Variants in LRRC19 observed in about 807,000 individuals in gnomAD.
The protein encoded by LRRC19 is leucine rich repeat containing 19, also known as leucine-rich repeat-containing protein 19.
Under a neutral mutation model 33.3 loss-of-function variants are expected in LRRC19, and 33 were observed. That is an observed-to-expected ratio of 0.99 (90% CI 0.75 to 1.33). The LOEUF (loss-of-function observed/expected upper bound fraction) is 1.33. LRRC19 is among the 40% of genes most tolerant of loss of function. LRRC19 has a pLI of 0.00. For synonymous variants in LRRC19, 184 were observed against 152.3 expected (o/e 1.21, Z -1.53); for missense variants, 463 against 417.3 (o/e 1.11, Z -0.95).
intron 1 of LRRC19, among the ~76,000 whole-genome samples, chr9:27,004,712 G>T (rs1023928491): frequency 1.3e-5 from 2 of 151,962 alleles, no homozygotes; most frequent in East Asian, 1.9e-4. Context: ...GATTTTTTTT[G>T]AAATGATAGT....
chr9:26,995,499 A>T lies in LRRC19; in HGVS notation c.*22T>A. The T allele has an allele frequency of 3.5e-6, 5 of 1,439,598 alleles. No homozygotes were observed. Among genetic ancestry groups the T allele is most frequent in the Non-Finnish European group, 4.7e-6 (5 of 1,069,106 alleles). The allele number at this position is 1,439,598 out of a possible 1,614,324, so 89.2% of individuals were successfully genotyped here. On this transcript the variant is annotated 3_prime_UTR_variant, in exon 5 of 5. Coordinates refer to ENST00000380055, the MANE Select transcript of LRRC19 (RefSeq NM_022901.3). Reference sequence around the variant, plus strand: ...CTGAGTGAGCTGATAACTTTGCTTTAAAAAGCAAACTTTGAAAGAAATTAA... The same window carrying T: ...CTGAGTGAGCTGATAACTTTGCTTTTAAAAGCAAACTTTGAAAGAAATTAA...
chr9:27,005,557 A>T (rs1327790505), intron 1 of LRRC19, 35 bp downstream of exon 1: 1 of 152,014 alleles, frequency 6.6e-6, no homozygotes, highest in Non-Finnish European at 1.5e-5. Context: ...AAAAAAATAC[A>T]ACAATAACCA....
In LRRC19 at chr9:26,995,529, C is replaced by T; in HGVS notation, c.1105G>A (p.Glu369Lys). The change falls in exon 5 of 5, where the codon GAA (glutamate) becomes AAA (lysine). Residue 369 changes from glutamate (E) to lysine (K), a missense_variant. Transcript: ENST00000380055. ...KYIDIHELCE[E>K]N ...GCAAACTTTGAAAGAAATTAATTTT[C>T]TTCACATAATTCATGGATATCTATA... 1 of 1,535,886 alleles carries T rather than the reference C, an allele frequency of 6.5e-7. No individual in the cohort carries two copies. Among genetic ancestry groups the T allele is most frequent in the East Asian group, 2.3e-5 (1 of 43,806 alleles).
Position 26,998,036 on chromosome 9 carries a change from A to G in LRRC19, c.287T>C (p.Leu96Pro), listed in dbSNP as rs1310813600. 1 of 1,613,656 alleles carries G rather than the reference A, an allele frequency of 6.2e-7. No individual in the cohort carries two copies. The highest frequency in any genetic ancestry group is 8.5e-7 in the Non-Finnish European group (1 of 1,179,800). The change falls in exon 3 of 5, where the codon CTC (leucine) becomes CCC (proline). Residue 96 changes from leucine (L) to proline (P), a missense_variant. Transcript: ENST00000380055. The stretch of plus-strand genomic sequence containing the variant: ...GATATTTAAAATTTCTAGACTGGAG[A>G]GGTTACCAAAACCGTTATTATGTAA... ...TILHNNGFGN[L>P]SSLEILNICR...
intron 3 of LRRC19, 72 bp downstream of exon 3, chr9:26,997,656 A>T (rs746184346): frequency 8.8e-6 from 13 of 1,472,648 alleles, no homozygotes; most frequent in Non-Finnish European, 1.2e-5. Context: ...TTAAAACGTG[A>T]TATGAGAGAT....
chr9:26,993,802 C>G lies in LRRC19; in HGVS notation c.*1719G>C. ...ATTTGACCTTGCTCCATCCATACCTCTAGCCACTGTTCCATTCCACGTGTT... is the reference window on the plus strand; with the variant it reads ...ATTTGACCTTGCTCCATCCATACCTGTAGCCACTGTTCCATTCCACGTGTT... On this transcript the variant is annotated 3_prime_UTR_variant, in exon 5 of 5. Transcript: ENST00000380055. The G allele has an allele frequency of 6.6e-6, 1 of 152,194 alleles. No individual in the cohort carries two copies. Among genetic ancestry groups the G allele is most frequent in the East Asian group, 1.9e-4 (1 of 5,200 alleles). The allele number at this position is 152,194 out of a possible 1,614,324, so 9.4% of individuals were successfully genotyped here.
intron 4 of LRRC19, 118 bp downstream of exon 4, chr9:26,996,193 G>T: frequency 1.5e-6 from 1 of 675,584 alleles, no homozygotes; most frequent in Non-Finnish European, 2.2e-6. Context: ...TAAATCTTTA[G>T]TTGAGATGAG....
intron 1 of LRRC19, among the ~76,000 whole-genome samples, chr9:27,002,116 C>T (rs1207153543): frequency 1.3e-5 from 2 of 152,166 alleles, no homozygotes; most frequent in Non-Finnish European, 2.9e-5. Flanking sequence ...GGAGGAGCTA[C>T]ACACTTTTAA....
intron 1 of LRRC19, among the ~76,000 whole-genome samples, chr9:26,999,926 A>G (rs1466407721): frequency 6.6e-6 from 1 of 151,988 alleles, no homozygotes; most frequent in Non-Finnish European, 1.5e-5. Flanking sequence ...ATGCACTACC[A>G]TGCCTGGCTA....
At position 26,995,807 on chromosome 9, in the gene LRRC19, A is replaced by C. The variant is rs755982815; in HGVS notation, c.827T>G (p.Val276Gly). 133 of 1,609,618 alleles carry C rather than the reference A, an allele frequency of 8.3e-5. No individual in the cohort carries two copies. The highest frequency in any genetic ancestry group is 1.0e-4 in the Non-Finnish European group (122 of 1,177,824). ...LGKSWAFLVG[V>G]VVTVLTTSLL... is the part of the protein sequence containing the mutation. ...TGAAGTCGTCAGTACAGTGACAACA[A>C]CACCAACAAGAAAAGCCCAACTTTT... Residue 276 changes from valine (V) to glycine (G), a missense_variant, in exon 5 of 5, where the codon GTT becomes GGT. Val to Gly is a moderately radical substitution (Grantham distance 109). Transcript: ENST00000380055.
intron 1 of LRRC19, among the ~76,000 whole-genome samples, chr9:27,002,540 A>C (rs773145158): frequency 6.6e-5 from 10 of 152,214 alleles, no homozygotes; most frequent in Non-Finnish European, 1.3e-4. Flanking sequence ...CATTTATTGA[A>C]ACAACTATTA....
rs1165006573 is a variant in LRRC19 at position 26,994,317 on chromosome 9, T to G, written c.*1204A>C. On this transcript the variant is annotated 3_prime_UTR_variant, in exon 5 of 5. Coordinates refer to ENST00000380055, the MANE Select transcript of LRRC19 (RefSeq NM_022901.3). Reference sequence around the variant, plus strand: ...ACTTTGGGAGGCCGAGGCGGGTAGATCATGAGGTCAGGCGTTCGAGACCAG... The same window carrying G: ...ACTTTGGGAGGCCGAGGCGGGTAGAGCATGAGGTCAGGCGTTCGAGACCAG... 1 of 152,068 alleles carries G rather than the reference T, an allele frequency of 6.6e-6. No homozygotes were observed. The highest frequency in any genetic ancestry group is 1.5e-5 in the Non-Finnish European group (1 of 68,094). 9.4% of individuals were successfully genotyped at this position (152,068 alleles called of 1,614,324 possible). A position where few individuals can be genotyped will look rare whatever the true frequency, so the allele number is the denominator to read the frequency against.
At chr9:26,998,319 T>G in intron 2 of LRRC19, 78 bp from the exon 3 acceptor site, 4 of 869,200 alleles carry the variant, frequency 4.6e-6, no homozygotes, top group Non-Finnish European at 6.6e-6. Context: ...ATTTAAGCAC[T>G]TAGACATTAG....
rs759123394 is a variant in LRRC19, at chr9:26,998,124, T to G, written c.199A>C (p.Arg67=). 67 of 1,612,748 alleles carry G rather than the reference T, an allele frequency of 4.2e-5. No individual in the cohort carries two copies. The highest frequency in any genetic ancestry group is 4.2e-5 in the Non-Finnish European group (49 of 1,179,146). ...AGTAAAAAGTATGTCTGTAGAACTC[T>G]TGTGTCTGTACCATTAAGAGTAATT... is the stretch of plus-strand genomic sequence containing the variant. ...NQITLNGTDT[R]VLQTYFLLTE... is the part of the protein sequence containing the mutation. The change falls in exon 3 of 5, where the codon AGA becomes CGA. Residue 67 remains arginine (R), a synonymous_variant. Transcript: ENST00000380055.
intron 3 of LRRC19, among the ~76,000 whole-genome samples, chr9:26,996,760 C>T (rs1828180451): frequency 6.6e-6 from 1 of 151,502 alleles, no homozygotes; most frequent in East Asian, 1.9e-4. Flanking sequence ...ATTGTGGTTA[C>T]ATGGTTACAA....
intron 1 of LRRC19, among the ~76,000 whole-genome samples, chr9:27,001,954 T>TA (rs1828518485): frequency 6.6e-6 from 1 of 150,986 alleles, no homozygotes. Context: ...TTTTTTTTTT[T>TA]AAATAAAGAA....
At position 27,001,504 on chromosome 9, in the gene LRRC19, T is replaced by G. The variant is rs754568830; in HGVS notation, c.-9-1801A>C. Among the ~76,000 whole-genome samples, 89 of 152,296 alleles carry G rather than the reference T, an allele frequency of 5.8e-4. 1 individual carries two copies. In the Middle Eastern group the frequency reaches 0.01, roughly 17 times the overall value. On this transcript the variant is annotated intron_variant, in intron 1 of 4. Transcript: ENST00000380055. ...GTCATATTGATAGAAGCTACTTTAATGGGGGTGAGATTATATATCATTGTA... is the reference window on the plus strand; with the variant it reads ...GTCATATTGATAGAAGCTACTTTAAGGGGGGTGAGATTATATATCATTGTA...
chr9:26,996,577 A>G, intron 3 of LRRC19, 78 bp from the exon 4 acceptor site: 7 of 1,030,802 alleles, frequency 6.8e-6, no homozygotes, highest in Non-Finnish European at 6.4e-6. Context: ...TTTATCTAGA[A>G]TTTTTGACAT....
At chr9:27,004,844 T>C (rs773645028) in intron 1 of LRRC19, among the ~76,000 whole-genome samples, 1 of 152,082 alleles carries the variant, frequency 6.6e-6, no homozygotes, top group African/African-American at 2.4e-5. Flanking sequence ...GCATATGATC[T>C]ACGTTACTGA....
Sources: gnomAD v4.1 joint callset for allele counts (sites outside exome capture counted in the v4.1 genomes callset) on GRCh38, gnomAD v4.1.1 for gene constraint, MANE v1.5 for transcripts, NCBI Gene and HGNC (gene_info 2026-07-23, HGNC 2026-07-21) for gene names.